Variants in PTPRQ observed in about 807,000 individuals in gnomAD.
PTPRQ encodes protein tyrosine phosphatase receptor type Q.
Under a neutral mutation model 246.0 loss-of-function variants are expected in PTPRQ, and 199 were observed. That is an observed-to-expected ratio of 0.81 (90% CI 0.72 to 0.91). The LOEUF (loss-of-function observed/expected upper bound fraction) is 0.91. Ranked by LOEUF, PTPRQ falls within the 40% of genes least tolerant of loss-of-function variation. PTPRQ has a pLI of 0.00. For synonymous variants in PTPRQ, 869 were observed against 853.2 expected, an observed-to-expected ratio of 1.02 and a Z score of -0.32; for missense variants, 2,624 against 2,528.4, an observed-to-expected ratio of 1.04 and a Z score of -0.81.
Position 80,549,736 on chromosome 12 carries a change from T to A in PTPRQ, c.4285+2T>A. Reference sequence around the variant, plus strand: ...ATGTCAGCACACTACCTGAAACAGGTAACTAACGTGAAACAGGTAACTAAC... The same window carrying A: ...ATGTCAGCACACTACCTGAAACAGGAAACTAACGTGAAACAGGTAACTAAC... On this transcript the variant is annotated splice_donor_variant, in intron 25 of 44. Transcript: ENST00000644991. LOFTEE classifies it high-confidence loss of function. 4 of 1,369,716 alleles carry A rather than the reference T, an allele frequency of 2.9e-6. No homozygotes were observed. Among genetic ancestry groups the A allele is most frequent in the African/African-American group, 1.4e-5 (1 of 71,092 alleles). 84.8% of individuals were successfully genotyped at this position (1,369,716 alleles called of 1,614,324 possible).
At chr12:80,677,819 T>A (rs1901194389) in intron 43 of PTPRQ, among the ~76,000 whole-genome samples, 1 of 152,206 alleles carries the variant, frequency 6.6e-6, no homozygotes, top group Non-Finnish European at 1.5e-5. Context: ...TGAATATATG[T>A]CTTAAACATT....
chr12:80,566,976 G>A (rs1156646122), intron 25 of PTPRQ, among the ~76,000 whole-genome samples: 1 of 152,164 alleles, frequency 6.6e-6, no homozygotes, highest in African/African-American at 2.4e-5. Flanking sequence ...TTGTATTTAG[G>A]TTGTTATCAA....
At chr12:80,488,279 A>G (rs1304427253) in intron 9 of PTPRQ, among the ~76,000 whole-genome samples, 1 of 152,060 alleles carries the variant, frequency 6.6e-6, no homozygotes, top group Non-Finnish European at 1.5e-5. Flanking sequence ...CAAAGCAGGA[A>G]CAACAGGAGG....
At chr12:80,620,994 G>GT (rs1265351284) in intron 32 of PTPRQ, among the ~76,000 whole-genome samples, 2 of 151,474 alleles carry the variant, frequency 1.3e-5, no homozygotes, top group African/African-American at 2.4e-5. Flanking sequence ...TTTTTGTATT[G>GT]TAAGACTACA....
In PTPRQ at chr12:80,494,982, T is replaced by G. The variant is rs1431972236; in HGVS notation, c.1590T>G (p.Ser530=). 1 of 1,550,152 alleles carries G rather than the reference T, an allele frequency of 6.5e-7. No homozygotes were observed. Among genetic ancestry groups the G allele is most frequent in the Non-Finnish European group, 8.7e-7 (1 of 1,146,072 alleles). Residue 530 remains serine (S), a synonymous_variant, in exon 11 of 45, where the codon TCT becomes TCG. Coordinates refer to ENST00000644991, the MANE Select transcript of PTPRQ (RefSeq NM_001145026.2). ...YITDIAAEQL[S]YVIRRLVPFT... ...CTGACATTGCAGCTGAACAGCTGTC[T>G]TATGTTATCAGGAGACTTGTACCTT...
chr12:80,596,673 T>A (rs1049732824), intron 26 of PTPRQ, among the ~76,000 whole-genome samples: 1 of 152,058 alleles, frequency 6.6e-6, no homozygotes, highest in Admixed American at 6.6e-5. Context: ...ATTTTTGTCT[T>A]TAACCTCAGT....
chr12:80,648,973 T>A, intron 36 of PTPRQ, 50 bp downstream of exon 36: 1 of 1,478,184 alleles, frequency 6.8e-7, no homozygotes, highest in South Asian at 1.4e-5. Flanking sequence ...CAAAGTTAGA[T>A]GCACTGACTC....
chr12:80,648,039 C>A (rs562927815), intron 35 of PTPRQ, among the ~76,000 whole-genome samples: 1 of 152,022 alleles, frequency 6.6e-6, no homozygotes, highest in Non-Finnish European at 1.5e-5. Flanking sequence ...TCTTTTTGAC[C>A]ATTTTCATAT....
At chr12:80,470,878 T>G (rs1893603257) in intron 7 of PTPRQ, among the ~76,000 whole-genome samples, 1 of 152,212 alleles carries the variant, frequency 6.6e-6, no homozygotes, top group South Asian at 2.1e-4. Context: ...TTGAGATTCT[T>G]AATGATACGG....
At chr12:80,641,516 C>A (rs1899854816) in intron 35 of PTPRQ, among the ~76,000 whole-genome samples, 1 of 152,202 alleles carries the variant, frequency 6.6e-6, no homozygotes, top group African/African-American at 2.4e-5. Flanking sequence ...AATCTAATCA[C>A]ATTTAGCATT....
At chr12:80,546,881 T>C (rs1344616495) in intron 24 of PTPRQ, 184 bp downstream of exon 24, 8 of 602,564 alleles carry the variant, frequency 1.3e-5, no homozygotes, top group Admixed American at 4.1e-5. Context: ...TGTTTATACA[T>C]ATATTTTCAC....
chr12:80,511,066 G>A (rs1895111989), intron 17 of PTPRQ, among the ~76,000 whole-genome samples: 1 of 151,988 alleles, frequency 6.6e-6, no homozygotes, highest in African/African-American at 2.4e-5. Context: ...TCACCAATTA[G>A]GTAACACATT....
chr12:80,489,364 T>A (rs573527149), intron 9 of PTPRQ, among the ~76,000 whole-genome samples: 21 of 43,420 alleles, frequency 4.8e-4, no homozygotes, highest in Admixed American at 1.3e-3. Flanking sequence ...AAAAATCATC[T>A]ATCTCTTTGG....
At chr12:80,456,658 C>A (rs866490564) in intron 3 of PTPRQ, among the ~76,000 whole-genome samples, 1 of 152,116 alleles carries the variant, frequency 6.6e-6, no homozygotes, top group Non-Finnish European at 1.5e-5. Context: ...CCCTTACTCT[C>A]CGTTTCATCT....
chr12:80,558,683 A>T (rs561755187), intron 25 of PTPRQ, among the ~76,000 whole-genome samples: 1 of 152,204 alleles, frequency 6.6e-6, no homozygotes, highest in South Asian at 2.1e-4. Flanking sequence ...GTTGCATGTT[A>T]AGTTTTTTTA....
chr12:80,447,343 G>T (rs904204006), intron 3 of PTPRQ, among the ~76,000 whole-genome samples: 1 of 151,900 alleles, frequency 6.6e-6, no homozygotes, highest in Non-Finnish European at 1.5e-5. Flanking sequence ...CAGCTCTGTA[G>T]GTTTTCTGTT....
intron 39 of PTPRQ, among the ~76,000 whole-genome samples, chr12:80,665,011 G>T (rs964781432): frequency 1.3e-5 from 2 of 151,966 alleles, no homozygotes; most frequent in Non-Finnish European, 2.9e-5. Flanking sequence ...ATTAAGGAGT[G>T]TTGACTCACA....
chr12:80,480,071 T>A (rs1054311589), intron 8 of PTPRQ, among the ~76,000 whole-genome samples: 6 of 147,994 alleles, frequency 4.1e-5, no homozygotes, highest in African/African-American at 8.0e-5. Context: ...AGAATATACA[T>A]TTTTTTCAGC....
intron 17 of PTPRQ, among the ~76,000 whole-genome samples, chr12:80,533,708 C>G (rs1326830931): frequency 1.3e-5 from 2 of 152,054 alleles, no homozygotes; most frequent in African/African-American, 4.8e-5. Flanking sequence ...AAAGGGAATA[C>G]TGTAATTACT....
Sources: gnomAD v4.1 joint callset for allele counts (sites outside exome capture counted in the v4.1 genomes callset) on GRCh38, gnomAD v4.1.1 for gene constraint, MANE v1.5 for transcripts, NCBI Gene and HGNC (gene_info 2026-07-23, HGNC 2026-07-21) for gene names.